Variants in ZBTB20 observed in about 807,000 individuals in gnomAD.
ZBTB20 encodes zinc finger and BTB domain containing 20, also known as zinc finger and BTB domain-containing protein 20.
A neutral mutation model predicts 56.9 loss-of-function variants in ZBTB20; 9 were observed. That is an observed-to-expected ratio of 0.16 (90% CI 0.10 to 0.28). The LOEUF (loss-of-function observed/expected upper bound fraction) is 0.28, where lower values mean the gene tolerates loss of function less well. Ranked by LOEUF, ZBTB20 falls within the 10% of genes least tolerant of loss-of-function variation. The probability of loss-of-function intolerance (pLI) is 1.00; values close to 1 mark genes in which losing one functional copy is unlikely to be tolerated. For missense variants in ZBTB20, 655 were observed against 1,003.0 expected, an observed-to-expected ratio of 0.65 and a Z score of 4.69; for synonymous variants, 417 against 420.7, an observed-to-expected ratio of 0.99 and a Z score of 0.11.
At chr3:114,686,907 T>C (rs2062374296) in intron 6 of ZBTB20, among the ~76,000 whole-genome samples, 1 of 152,070 alleles carries the variant, frequency 6.6e-6, no homozygotes, top group Non-Finnish European at 1.5e-5. Flanking sequence ...CTCCAAACTT[T>C]ATGTGATATG....
intron 1 of ZBTB20, among the ~76,000 whole-genome samples, chr3:115,140,011 T>A (rs2084766534): frequency 6.6e-6 from 1 of 152,096 alleles, no homozygotes; most frequent in South Asian, 2.1e-4. Flanking sequence ...TCAAGTATTT[T>A]ACATATACTG....
chr3:114,961,888 A>T (rs1344562918), intron 3 of ZBTB20, among the ~76,000 whole-genome samples: 10 of 152,132 alleles, frequency 6.6e-5, no homozygotes, highest in Non-Finnish European at 2.9e-5. Flanking sequence ...TAATGTCACG[A>T]TTGTTACAAG....
chr3:115,013,908 A>ATG (rs35762117), intron 2 of ZBTB20, among the ~76,000 whole-genome samples: 81,727 of 147,686 alleles, frequency 0.55, 22,926 homozygotes, highest in East Asian at 0.69. Context: ...CAATCCCTAT[A>ATG]TGTGTGTGTG....
At chr3:114,521,525 G>A (rs559178365) in intron 6 of ZBTB20, among the ~76,000 whole-genome samples, 11 of 152,032 alleles carry the variant, frequency 7.2e-5, no homozygotes, top group Admixed American at 4.6e-4. Flanking sequence ...ACTTCATAAC[G>A]TTTTTCACAT....
chr3:114,429,406 C>T (rs1337896904), intron 7 of ZBTB20, among the ~76,000 whole-genome samples: 2 of 152,128 alleles, frequency 1.3e-5, no homozygotes, highest in Admixed American at 1.3e-4. Context: ...TCTGGTACCC[C>T]ACATCTAAAG....
intron 2 of ZBTB20, among the ~76,000 whole-genome samples, chr3:114,982,768 G>A (rs1385718075): frequency 6.6e-6 from 1 of 151,906 alleles, no homozygotes; most frequent in East Asian, 1.9e-4. Flanking sequence ...CCAGTAACTC[G>A]TCATTTTTTA....
chr3:114,589,966 G>C (rs998493305), intron 6 of ZBTB20, among the ~76,000 whole-genome samples: 3 of 152,062 alleles, frequency 2.0e-5, no homozygotes, highest in Non-Finnish European at 4.4e-5. Flanking sequence ...CATATTTTTG[G>C]AGATGAATCA....
At chr3:114,661,310 G>A (rs549220344) in intron 6 of ZBTB20, among the ~76,000 whole-genome samples, 15 of 152,218 alleles carry the variant, frequency 9.9e-5, no homozygotes, top group Admixed American at 4.6e-4. Context: ...GGAGAGAAAC[G>A]TACCTTCTTG....
chr3:114,612,165 C>A (rs1385510495), intron 6 of ZBTB20, among the ~76,000 whole-genome samples: 1 of 152,172 alleles, frequency 6.6e-6, no homozygotes, highest in African/African-American at 2.4e-5. Flanking sequence ...CTTTCAACGT[C>A]CAGCTTTTAC....
chr3:114,645,166 G>C (rs560306615), intron 6 of ZBTB20, among the ~76,000 whole-genome samples: 2 of 152,168 alleles, frequency 1.3e-5, no homozygotes, highest in African/African-American at 4.8e-5. Context: ...TGTTTGGAAG[G>C]ACCAATTGTA....
In ZBTB20 at chr3:115,097,224, G is replaced by A. The variant is rs145342810; in HGVS notation, c.-702-25810C>T. Among the ~76,000 whole-genome samples the A allele has an allele frequency of 3.4e-3, 523 of 152,290 alleles. 3 individuals carry two copies. Among genetic ancestry groups the A allele is most frequent in the Admixed American group, 5.9e-3 (90 of 15,294 alleles). On this transcript the variant is annotated intron_variant, in intron 1 of 11. Transcript: ENST00000675478. ...AGACGTAGTCTCGCTCTGTCACCAG[G>A]CTGCAGTGCAGTGGCACGATCTCGG...
chr3:114,972,574 A>G (rs2077930244), intron 3 of ZBTB20, among the ~76,000 whole-genome samples: 2 of 152,148 alleles, frequency 1.3e-5, no homozygotes, highest in South Asian at 4.1e-4. Context: ...TGAGCTAGCC[A>G]AAAAATTATT....
At chr3:114,380,632 G>C in intron 9 of ZBTB20, 145 bp downstream of exon 9, 1 of 1,249,190 alleles carries the variant, frequency 8.0e-7, no homozygotes, top group Non-Finnish European at 1.1e-6. Context: ...CACCACATTT[G>C]GACTCTGTTG....
At chr3:115,043,577 GAAATA>G (rs143409903) in intron 2 of ZBTB20, among the ~76,000 whole-genome samples, 24,297 of 135,166 alleles carry the variant, frequency 0.18, 2,451 homozygotes, top group Middle Eastern at 0.26. Context: ...GTCTCAAAAA[GAAATA>G]AAATAAAATA....
intron 2 of ZBTB20, among the ~76,000 whole-genome samples, chr3:114,994,811 C>T (rs2078959799): frequency 6.6e-6 from 1 of 151,822 alleles, no homozygotes; most frequent in African/African-American, 2.4e-5. Context: ...ATGACACCAT[C>T]AGGATGAATT....
At chr3:114,556,591 T>C (rs1046255065) in intron 6 of ZBTB20, among the ~76,000 whole-genome samples, 1 of 152,070 alleles carries the variant, frequency 6.6e-6, no homozygotes, top group Non-Finnish European at 1.5e-5. Flanking sequence ...TCATTCCATA[T>C]TAAGAAAATA....
chr3:115,052,102 A>T (rs2081572942), intron 2 of ZBTB20, among the ~76,000 whole-genome samples: 1 of 152,156 alleles, frequency 6.6e-6, no homozygotes, highest in Non-Finnish European at 1.5e-5. Context: ...GCCCAACCAT[A>T]TCAGTGAAAT....
At position 114,749,952 on chromosome 3, in the gene ZBTB20, C is replaced by T. The variant is rs149004409; in HGVS notation, c.-343+51149G>A. 8.6e-4 allele frequency among the ~76,000 whole-genome samples: 131 copies of T among 152,220 alleles called. 1 individual carries two copies. The highest frequency in any genetic ancestry group is 3.0e-3 in the African/African-American group (123 of 41,552). On this transcript the variant is annotated intron_variant, in intron 5 of 11. Transcript: ENST00000675478. ...AAAACCCAGATAAAATATATTCAGC[C>T]AGGACTGTTGCTCTGTGAGTAGGTC...
chr3:115,139,291 C>A (rs2084743475), intron 1 of ZBTB20, among the ~76,000 whole-genome samples: 1 of 151,928 alleles, frequency 6.6e-6, no homozygotes, highest in Admixed American at 6.6e-5. Context: ...CTTTCACTAC[C>A]ATTCATACTA....
Sources: allele counts gnomAD v4.1 joint callset (sites outside exome capture counted in the v4.1 genomes callset), GRCh38; gene constraint gnomAD v4.1.1; transcripts MANE v1.5; gene names NCBI Gene and HGNC (gene_info 2026-07-23, HGNC 2026-07-21).